Variants in GAREM1 observed in about 807,000 individuals in gnomAD.
The protein encoded by GAREM1 is GRB2-associated and regulator of MAPK protein 1.
Under a neutral mutation model 71.3 loss-of-function variants are expected in GAREM1, and 26 were observed. That is an observed-to-expected ratio of 0.36 (90% CI 0.27 to 0.51). The LOEUF is 0.51. Among genes scored for constraint, GAREM1 ranks in the 20% least tolerant of loss-of-function variants. The pLI is 0.95. For missense variants in GAREM1, 1,026 were observed against 1,103.1 expected (o/e 0.93, Z 0.99); for synonymous variants, 440 against 433.2 (o/e 1.02, Z -0.20).
At chr18:32,336,974 G>A (rs2047602497) in intron 2 of GAREM1, among the ~76,000 whole-genome samples, 1 of 152,166 alleles carries the variant, frequency 6.6e-6, no homozygotes, top group Non-Finnish European at 1.5e-5. Flanking sequence ...GACAGAAAAT[G>A]GTGACTGCTA....
At chr18:32,432,986 C>T (rs2048638039) in intron 1 of GAREM1, among the ~76,000 whole-genome samples, 1 of 151,880 alleles carries the variant, frequency 6.6e-6, no homozygotes, top group African/African-American at 2.4e-5. Flanking sequence ...AAAAAGAGTA[C>T]AGGAAAAGAC....
At chr18:32,310,608 A>T (rs2047310397) in intron 2 of GAREM1, among the ~76,000 whole-genome samples, 1 of 152,194 alleles carries the variant, frequency 6.6e-6, no homozygotes, top group Admixed American at 6.5e-5. Context: ...TTGCTGTTTG[A>T]TCTCAAAGTG....
intron 1 of GAREM1, among the ~76,000 whole-genome samples, chr18:32,441,473 C>T (rs16963367): frequency 0.096 from 14,619 of 152,042 alleles, 1,183 homozygotes; most frequent in African/African-American, 0.22. Context: ...TAGGAAAACA[C>T]GGCTTTCGAA....
Position 32,265,805 on chromosome 18 carries a change from G to A in GAREM1, c.*2066C>T, listed in dbSNP as rs1269206593. The A allele has an allele frequency of 3.9e-5, 6 of 152,200 alleles. No individual in the cohort carries two copies. The highest frequency in any genetic ancestry group is 1.2e-4 in the African/African-American group (5 of 41,434). 9.4% of individuals were successfully genotyped at this position (152,200 alleles called of 1,614,324 possible). A position where few individuals can be genotyped will look rare whatever the true frequency, so the allele number is the denominator to read the frequency against. ...CTTCCTGAGTTTGAGAATTGTGTCC[G>A]AGTGCTAAGTATTTTAAAACGGATT... On this transcript the variant is annotated 3_prime_UTR_variant, in exon 6 of 6. Coordinates refer to ENST00000269209, the MANE Select transcript of GAREM1 (RefSeq NM_001242409.2).
intron 4 of GAREM1, among the ~76,000 whole-genome samples, chr18:32,280,742 G>A (rs538303300): frequency 6.6e-6 from 1 of 152,294 alleles, no homozygotes; most frequent in South Asian, 2.1e-4. Context: ...AAAACCAACT[G>A]TGTGTTTTTG....
At chr18:32,466,327 C>T (rs1435181679) in intron 1 of GAREM1, among the ~76,000 whole-genome samples, 1 of 152,012 alleles carries the variant, frequency 6.6e-6, no homozygotes, top group Non-Finnish European at 1.5e-5. Context: ...GTTTAACTTT[C>T]AAAAGATTGA....
chr18:32,364,033 T>G (rs1466733427), intron 2 of GAREM1, among the ~76,000 whole-genome samples: 4 of 87,176 alleles, frequency 4.6e-5, no homozygotes, highest in African/African-American at 9.4e-5. Flanking sequence ...TATATGTTTT[T>G]TTTTTTTTTT....
chr18:32,366,919 T>C (rs1165453937), intron 2 of GAREM1, among the ~76,000 whole-genome samples: 1 of 152,178 alleles, frequency 6.6e-6, no homozygotes, highest in Non-Finnish European at 1.5e-5. Flanking sequence ...CCAAGTATCA[T>C]GATATTAGGG....
intron 1 of GAREM1, among the ~76,000 whole-genome samples, chr18:32,419,473 G>A (rs1568004318): frequency 6.6e-6 from 1 of 151,890 alleles, no homozygotes; most frequent in Non-Finnish European, 1.5e-5. Flanking sequence ...CCTGCCACGT[G>A]AGGATTCAAG....
intron 4 of GAREM1, among the ~76,000 whole-genome samples, chr18:32,286,770 C>G (rs1412045509): frequency 6.6e-6 from 1 of 152,146 alleles, no homozygotes; most frequent in Non-Finnish European, 1.5e-5. Flanking sequence ...TCCCTATTAT[C>G]CATTCTCCGG....
chr18:32,425,756 ACTT>A (rs1404944845), intron 1 of GAREM1, among the ~76,000 whole-genome samples: 2 of 152,194 alleles, frequency 1.3e-5, no homozygotes, highest in Admixed American at 1.3e-4. Context: ...TGCAAGAAAT[ACTT>A]CTTTTCATCT....
intron 1 of GAREM1, among the ~76,000 whole-genome samples, chr18:32,446,785 T>C (rs1298346240): frequency 6.6e-6 from 1 of 152,160 alleles, no homozygotes; most frequent in Non-Finnish European, 1.5e-5. Context: ...TTTTCTCAAA[T>C]CCCCTTGCAA....
intron 2 of GAREM1, 21 bp downstream of exon 2, chr18:32,392,874 T>C (rs974103287): frequency 1.9e-6 from 3 of 1,607,724 alleles, no homozygotes. Context: ...TGCCTCATCT[T>C]GGCCCTTGGA....
At chr18:32,290,696 T>C (rs117133711) in intron 3 of GAREM1, among the ~76,000 whole-genome samples, 2,097 of 149,216 alleles carry the variant, frequency 0.014, 20 homozygotes, top group Middle Eastern at 0.035. Flanking sequence ...ATCAATTAAC[T>C]AACAAGATGT....
chr18:32,411,994 T>C (rs1369159170), intron 1 of GAREM1, among the ~76,000 whole-genome samples: 1 of 152,204 alleles, frequency 6.6e-6, no homozygotes, highest in Non-Finnish European at 1.5e-5. Context: ...CTTTACACTT[T>C]CCACAGAACA....
At chr18:32,288,273 GACAC>G in intron 3 of GAREM1, 70 bp from the exon 4 acceptor site, 2 of 1,264,058 alleles carry the variant, frequency 1.6e-6, no homozygotes, top group South Asian at 3.0e-5. Flanking sequence ...TTCCTATTAA[GACAC>G]ACACAAATAC....
At chr18:32,395,452 G>T (rs181001753) in intron 1 of GAREM1, among the ~76,000 whole-genome samples, 1 of 152,348 alleles carries the variant, frequency 6.6e-6, no homozygotes, top group Non-Finnish European at 1.5e-5. Flanking sequence ...GATGCTGGGT[G>T]GGGGAAGTAA....
At chr18:32,292,339 TG>T (rs1393806578) in intron 3 of GAREM1, among the ~76,000 whole-genome samples, 2 of 152,210 alleles carry the variant, frequency 1.3e-5, no homozygotes, top group Admixed American at 6.5e-5. Context: ...TTGATGGGGT[TG>T]TTTTTTTCTT....
At chr18:32,363,995 C>CATATATATATATATATATATAT (rs766095412) in intron 2 of GAREM1, among the ~76,000 whole-genome samples, 18 of 21,308 alleles carry the variant, frequency 8.4e-4, no homozygotes, top group South Asian at 2.8e-3. Flanking sequence ...TACATATATA[C>CATATATATATATATATATATAT]ATATATATAT....
Sources: allele counts gnomAD v4.1 joint callset (sites outside exome capture counted in the v4.1 genomes callset), GRCh38; gene constraint gnomAD v4.1.1; transcripts MANE v1.5; gene names NCBI Gene and HGNC (gene_info 2026-07-23, HGNC 2026-07-21).